TUSC3: variants seen among roughly 807,000 people sequenced by gnomAD.
TUSC3 encodes the protein dolichyl-diphosphooligosaccharide--protein glycosyltransferase subunit TUSC3.
A neutral mutation model predicts 44.8 loss-of-function variants in TUSC3; 45 were observed. That is an observed-to-expected ratio of 1.00 (90% CI 0.79 to 1.29). The LOEUF is 1.29. Among genes scored for constraint, TUSC3 ranks in the 50% most tolerant of loss-of-function variants. TUSC3 has a pLI of 0.00. For missense variants in TUSC3, 519 were observed against 437.9 expected (o/e 1.19, Z -1.65); for synonymous variants, 212 against 152.9 (o/e 1.39, Z -2.85).
chr8:15,520,166 C>G (rs1322153752), intron 2 of TUSC3, among the ~76,000 whole-genome samples: 2 of 152,088 alleles, frequency 1.3e-5, no homozygotes, highest in Admixed American at 6.5e-5. Context: ...TCAGTAAGCA[C>G]CCCTTTTCTG....
At chr8:15,643,072 TC>T (rs1343825859) in intron 2 of TUSC3, among the ~76,000 whole-genome samples, 5 of 152,144 alleles carry the variant, frequency 3.3e-5, no homozygotes, top group African/African-American at 1.2e-4. Flanking sequence ...AGTGAGTGAG[TC>T]CTCACATGAC....
intron 6 of TUSC3, among the ~76,000 whole-genome samples, chr8:15,706,006 CATATT>C (rs1383136636): frequency 6.6e-6 from 1 of 151,922 alleles, no homozygotes; most frequent in African/African-American, 2.4e-5. Flanking sequence ...TAAAGATACT[CATATT>C]ATACATGGTT....
chr8:15,578,398 T>G lies in TUSC3; in HGVS notation c.138+37830T>G, dbSNP rs370258071. The stretch of plus-strand genomic sequence containing the variant: ...GGGCATCCCTGTCTTGTGCCAGTTT[T>G]CAAAGGGAATGCTTCCAGTTTTTGC... On this transcript the variant is annotated intron_variant, in intron 1 of 10. Transcript: ENST00000503731. Among the ~76,000 whole-genome samples the G allele has an allele frequency of 1.2e-3, 146 of 119,804 alleles. 1 individual carries two copies. The highest frequency in any genetic ancestry group is 4.7e-3 in the African/African-American group (137 of 29,134). The allele number at this position is 119,804 out of a possible 152,430, so 78.6% of individuals were successfully genotyped here.
intron 2 of TUSC3, among the ~76,000 whole-genome samples, chr8:15,623,973 C>T (rs973610880): frequency 2.0e-5 from 3 of 152,058 alleles, no homozygotes; most frequent in Non-Finnish European, 4.4e-5. Flanking sequence ...TACTTCTTAC[C>T]TGTCGAACTT....
intron 1 of TUSC3, among the ~76,000 whole-genome samples, chr8:15,541,299 G>C (rs1203669566): frequency 6.6e-6 from 1 of 152,198 alleles, no homozygotes; most frequent in African/African-American, 2.4e-5. Context: ...AAAGTAGGTG[G>C]AGTGTTTGTA....
chr8:15,445,608 A>G (rs954458221), intron 1 of TUSC3, among the ~76,000 whole-genome samples: 1 of 152,220 alleles, frequency 6.6e-6, no homozygotes, highest in Non-Finnish European at 1.5e-5. Context: ...GACACAGCAC[A>G]TGTTTCAGAG....
intron 2 of TUSC3, among the ~76,000 whole-genome samples, chr8:15,531,081 C>T (rs749518026): frequency 6.6e-6 from 1 of 152,060 alleles, no homozygotes; most frequent in African/African-American, 2.4e-5. Flanking sequence ...ACTAGTAGGC[C>T]GCTGTGCATG....
At chr8:15,812,464 G>A in the TUSC3 span, among the ~76,000 whole-genome samples, 6 of 152,106 alleles carry the variant, frequency 3.9e-5, no homozygotes, top group African/African-American at 7.3e-5. Flanking sequence ...CTCAGACATA[G>A]CAATAGGTAG....
At chr8:15,795,545 T>C in the TUSC3 span, among the ~76,000 whole-genome samples, 1 of 152,192 alleles carries the variant, frequency 6.6e-6, no homozygotes, top group Non-Finnish European at 1.5e-5. Flanking sequence ...TGGAGGGATC[T>C]TTGAGGTCAT....
chr8:15,631,129 T>C (rs1585172585), intron 2 of TUSC3, among the ~76,000 whole-genome samples: 2 of 152,326 alleles, frequency 1.3e-5, no homozygotes, highest in Non-Finnish European at 1.5e-5. Context: ...TTACATGTTC[T>C]TTTTCTGGTT....
At chr8:15,757,536 A>T (rs1345075198) in intron 9 of TUSC3, among the ~76,000 whole-genome samples, 1 of 152,172 alleles carries the variant, frequency 6.6e-6, no homozygotes, top group Non-Finnish European at 1.5e-5. Context: ...AGTACACATC[A>T]TTGATGAGAA....
chr8:15,576,218 T>C (rs1803099578), intron 1 of TUSC3, among the ~76,000 whole-genome samples: 6 of 150,990 alleles, frequency 4.0e-5, no homozygotes, highest in Admixed American at 4.0e-4. Context: ...TGGTTTTCTT[T>C]TGGTAGGTAA....
At chr8:15,448,736 A>G (rs1193864487) in intron 1 of TUSC3, among the ~76,000 whole-genome samples, 1 of 152,222 alleles carries the variant, frequency 6.6e-6, no homozygotes, top group Non-Finnish European at 1.5e-5. Flanking sequence ...TTTTAATTGC[A>G]GCAAAAAGAT....
chr8:15,518,127 G>C (rs1261638943), intron 2 of TUSC3, among the ~76,000 whole-genome samples: 1 of 151,980 alleles, frequency 6.6e-6, no homozygotes, highest in East Asian at 1.9e-4. Context: ...ATAATTCCAT[G>C]TGGGCTTTTG....
intron 1 of TUSC3, among the ~76,000 whole-genome samples, chr8:15,581,571 C>T (rs1174823842): frequency 8.1e-5 from 12 of 148,528 alleles, no homozygotes; most frequent in East Asian, 2.0e-4. Flanking sequence ...GTTGGAATAC[C>T]CTGCAGTGTG....
the TUSC3 span, among the ~76,000 whole-genome samples, chr8:15,816,716 T>C: frequency 1.3e-5 from 2 of 152,178 alleles, no homozygotes; most frequent in African/African-American, 4.8e-5. Context: ...GCTCTCAAAT[T>C]ACACCTTTTC....
the TUSC3 span, among the ~76,000 whole-genome samples, chr8:15,777,247 GGTATCTT>G: frequency 6.6e-6 from 1 of 152,080 alleles, no homozygotes; most frequent in Non-Finnish European, 1.5e-5. Flanking sequence ...GAAAATTCAA[GGTATCTT>G]GTAACTTCCC....
chr8:15,737,549 T>C (rs1163328840), intron 7 of TUSC3, among the ~76,000 whole-genome samples: 1 of 152,146 alleles, frequency 6.6e-6, no homozygotes, highest in Non-Finnish European at 1.5e-5. Flanking sequence ...TAAATATATA[T>C]TGCCATGATA....
chr8:15,506,317 T>C (rs992657508), intron 2 of TUSC3, among the ~76,000 whole-genome samples: 3 of 152,162 alleles, frequency 2.0e-5, no homozygotes, highest in African/African-American at 7.2e-5. Flanking sequence ...AGGTGGATCA[T>C]AGAAACCAGA....
Sources: gnomAD v4.1 joint callset for allele counts (sites outside exome capture counted in the v4.1 genomes callset) on GRCh38, gnomAD v4.1.1 for gene constraint, MANE v1.5 for transcripts, NCBI Gene and HGNC (gene_info 2026-07-23, HGNC 2026-07-21) for gene names.